Variants in STPG2 observed in about 807,000 individuals in gnomAD.
STPG2 encodes the protein sperm-tail PG-rich repeat-containing protein 2.
In STPG2, 56 loss-of-function variants were observed where a neutral mutation model predicts 54.2. That is an observed-to-expected ratio of 1.03 (90% CI 0.83 to 1.29). The LOEUF (loss-of-function observed/expected upper bound fraction) is 1.29, where lower values mean the gene tolerates loss of function less well. STPG2 is among the 50% of genes most tolerant of loss of function. The pLI is 0.00. For missense variants in STPG2, 596 were observed against 544.9 expected (o/e 1.09, Z -0.93); for synonymous variants, 200 against 181.8 (o/e 1.10, Z -0.81).
At position 97,623,415 on chromosome 4, in the gene STPG2, C is replaced by G. The variant is rs138486789; in HGVS notation, c.1321-64298G>C. Reference sequence around the variant, plus strand: ...CTCTATAAGAACCATAAATTTACAACAGAAAAAAAATTAAAAAGTGGGCAA... The same window carrying G: ...CTCTATAAGAACCATAAATTTACAAGAGAAAAAAAATTAAAAAGTGGGCAA... On this transcript the variant is annotated intron_variant, in intron 10 of 10. Transcript: ENST00000295268. Among the ~76,000 whole-genome samples the G allele has an allele frequency of 4.2e-3, 628 of 150,486 alleles. 3 individuals are homozygous for G. Among genetic ancestry groups the G allele is most frequent in the South Asian group, 0.02 (98 of 4,786 alleles).
intron 10 of STPG2, among the ~76,000 whole-genome samples, chr4:97,682,642 G>C (rs1354343515): frequency 6.6e-6 from 1 of 151,688 alleles, no homozygotes; most frequent in African/African-American, 2.4e-5. Context: ...TAGTACTTAT[G>C]TATATTGACT....
chr4:98,007,102 TGAGTGTTCCA>T (rs1399549071), intron 5 of STPG2, among the ~76,000 whole-genome samples: 1 of 152,180 alleles, frequency 6.6e-6, no homozygotes, highest in Non-Finnish European at 1.5e-5. Flanking sequence ...ACCCAAACAC[TGAGTGTTCCA>T]CAGCCAAGCC....
intron 5 of STPG2, chr4:98,026,311 A>T (rs1341756623): frequency 1.6e-6 from 1 of 617,672 alleles, no homozygotes; most frequent in Non-Finnish European, 2.9e-6. Context: ...AGACAATAAA[A>T]GTATGGACAG....
intron 6 of STPG2, among the ~76,000 whole-genome samples, chr4:97,972,828 C>T (rs1323292039): frequency 6.6e-6 from 1 of 152,180 alleles, no homozygotes; most frequent in Non-Finnish European, 1.5e-5. Context: ...CCCTGTACAA[C>T]CTCTCTTCTC....
intron 3 of STPG2, among the ~76,000 whole-genome samples, chr4:98,121,331 C>A (rs900645709): frequency 3.3e-5 from 5 of 151,988 alleles, no homozygotes; most frequent in Non-Finnish European, 7.4e-5. Context: ...TGTGATGCCT[C>A]TAGTTTTGTT....
At chr4:97,807,661 GA>G (rs377436116) in intron 9 of STPG2, among the ~76,000 whole-genome samples, 88 of 151,308 alleles carry the variant, frequency 5.8e-4, no homozygotes, top group Middle Eastern at 3.4e-3. Context: ...GTTGTAAGAG[GA>G]AAAAAAAGGA....
intron 5 of STPG2, among the ~76,000 whole-genome samples, chr4:97,981,652 A>G (rs1734679726): frequency 6.6e-6 from 1 of 151,658 alleles, no homozygotes; most frequent in Non-Finnish European, 1.5e-5. Flanking sequence ...TATAAATAAA[A>G]AACTATATGA....
intron 10 of STPG2, among the ~76,000 whole-genome samples, chr4:97,604,039 T>C (rs1733530426): frequency 6.6e-6 from 1 of 151,726 alleles, no homozygotes; most frequent in Non-Finnish European, 1.5e-5. Context: ...ATACTCTCCA[T>C]TTCTGAAAAC....
intron 3 of STPG2, among the ~76,000 whole-genome samples, chr4:98,127,619 T>TACCATAGG (rs755478397): frequency 2.0e-5 from 3 of 152,192 alleles, no homozygotes; most frequent in Non-Finnish European, 4.4e-5. Context: ...AGCACAAAAA[T>TACCATAGG]ACCATAGGTT....
chr4:98,125,035 A>G (rs1332369850), intron 3 of STPG2, among the ~76,000 whole-genome samples: 1 of 152,146 alleles, frequency 6.6e-6, no homozygotes, highest in African/African-American at 2.4e-5. Flanking sequence ...CAAGGTGTTT[A>G]TGTTTCTCTT....
chr4:97,992,993 A>T (rs964562296), intron 5 of STPG2, among the ~76,000 whole-genome samples: 1 of 152,120 alleles, frequency 6.6e-6, no homozygotes, highest in Non-Finnish European at 1.5e-5. Context: ...TGAATCTTTC[A>T]GGTCTTCAGG....
At chr4:97,615,300 T>C (rs1466386477) in intron 10 of STPG2, among the ~76,000 whole-genome samples, 2 of 152,158 alleles carry the variant, frequency 1.3e-5, no homozygotes, top group South Asian at 2.1e-4. Context: ...TAAAGATCCA[T>C]GCATAGTTTT....
chr4:97,600,297 A>T (rs772330954), intron 10 of STPG2, among the ~76,000 whole-genome samples: 1 of 152,196 alleles, frequency 6.6e-6, no homozygotes, highest in African/African-American at 2.4e-5. Flanking sequence ...TGCAACAAGT[A>T]TTTATCAAAT....
chr4:98,137,727 T>A (rs756524312), intron 1 of STPG2, among the ~76,000 whole-genome samples: 1 of 150,112 alleles, frequency 6.7e-6, no homozygotes, highest in Non-Finnish European at 1.5e-5. Context: ...CTGAAATTCA[T>A]ATAAAAGTTA....
intron 10 of STPG2, among the ~76,000 whole-genome samples, chr4:97,561,170 G>T (rs974787278): frequency 7.9e-5 from 12 of 152,070 alleles, no homozygotes; most frequent in African/African-American, 2.9e-4. Context: ...GTATCTCATT[G>T]TGGTTTTGAT....
intron 4 of STPG2, among the ~76,000 whole-genome samples, chr4:97,449,296 C>T (rs1268696522): frequency 6.6e-6 from 1 of 152,038 alleles, no homozygotes; most frequent in African/African-American, 2.4e-5. Context: ...ATTGACTTTC[C>T]AGATGTGCCT....
At chr4:97,634,073 T>C (rs1721407336) in intron 10 of STPG2, among the ~76,000 whole-genome samples, 3 of 152,178 alleles carry the variant, frequency 2.0e-5, no homozygotes, top group African/African-American at 7.2e-5. Context: ...CAGTAACCTC[T>C]GCAGACTTAA....
At chr4:97,784,764 C>A (rs1726770333) in intron 9 of STPG2, among the ~76,000 whole-genome samples, 1 of 151,794 alleles carries the variant, frequency 6.6e-6, no homozygotes, top group African/African-American at 2.4e-5. Flanking sequence ...TAAGTTTGGT[C>A]TTATAATCAA....
At chr4:97,450,580 T>C (rs565333376) in intron 4 of STPG2, among the ~76,000 whole-genome samples, 1 of 152,034 alleles carries the variant, frequency 6.6e-6, no homozygotes, top group African/African-American at 2.4e-5. Context: ...CGGTGGGGAA[T>C]AGGGTCAGGG....
Sources: allele counts gnomAD v4.1 joint callset (sites outside exome capture counted in the v4.1 genomes callset), GRCh38; gene constraint gnomAD v4.1.1; transcripts MANE v1.5; gene names NCBI Gene and HGNC (gene_info 2026-07-23, HGNC 2026-07-21).